CHD9: variants seen among roughly 807,000 people sequenced by gnomAD.
The protein encoded by CHD9 is ATP-dependent chromatin remodeler CHD9.
In CHD9, 77 loss-of-function variants were observed where a neutral mutation model predicts 316.1. That is an observed-to-expected ratio of 0.24 (90% CI 0.20 to 0.29). The LOEUF (loss-of-function observed/expected upper bound fraction) is 0.29. Among genes scored for constraint, CHD9 ranks in the 10% least tolerant of loss-of-function variants. CHD9 has a pLI of 1.00. For missense variants in CHD9, 2,763 were observed against 3,438.1 expected, an observed-to-expected ratio of 0.80 and a Z score of 4.91; for synonymous variants, 1,129 against 1,158.3, an observed-to-expected ratio of 0.97 and a Z score of 0.51.
In CHD9 at chr16:53,209,558, A is replaced by G. The variant is rs754393718; in HGVS notation, c.1529A>G (p.Glu510Gly). 5 of 1,613,882 alleles carry G rather than the reference A, an allele frequency of 3.1e-6. No individual in the cohort carries two copies. In the Admixed American group the frequency reaches 8.3e-5, roughly 27 times the overall value. ...LQNTQVRVMS[E>G]KKQRKKVESE... is the part of the protein sequence containing the mutation. ...AATACCCAGGTGAGGGTCATGTCTG[A>G]GAAGAAGCAGAGAAAAAAGGTGGAA... The change falls in exon 3 of 39, where the codon GAG (glutamate) becomes GGG (glycine). Residue 510 changes from glutamate (E) to glycine (G), a missense_variant. Coordinates refer to ENST00000447540, the MANE Select transcript of CHD9 (RefSeq NM_001308319.2).
chr16:53,260,149 T>C (rs764200181), intron 19 of CHD9, among the ~76,000 whole-genome samples: 4 of 152,230 alleles, frequency 2.6e-5, no homozygotes, highest in Non-Finnish European at 4.4e-5. Flanking sequence ...CTGTGTTGTT[T>C]TGTTTTATCA....
At chr16:53,276,740 A>G (rs73603610) in intron 24 of CHD9, among the ~76,000 whole-genome samples, 4,929 of 152,060 alleles carry the variant, frequency 0.032, 99 homozygotes, top group Middle Eastern at 0.071. Context: ...GCATACATGT[A>G]TGCCTTAATA....
intron 16 of CHD9, among the ~76,000 whole-genome samples, chr16:53,248,490 T>A (rs911891315): frequency 2.0e-5 from 3 of 151,398 alleles, no homozygotes; most frequent in Non-Finnish European, 2.9e-5. Context: ...ATTTTATTTT[T>A]TTTTGTTTGT....
rs8063521 is a variant in CHD9, at chr16:53,244,519, G to A, written c.3055-817G>A. ...AAGCATATTTCAATTAGACCTTTAC[G>A]TTCTTGGATTGTAACCTCAGTGATT... On this transcript the variant is annotated intron_variant, in intron 13 of 38. Coordinates refer to ENST00000447540, the MANE Select transcript of CHD9 (RefSeq NM_001308319.2). Among the ~76,000 whole-genome samples, 9 of 151,958 alleles carry A rather than the reference G, an allele frequency of 5.9e-5. No homozygotes were observed. The South Asian group carries it at 6.2e-4, about 10-fold the overall frequency.
rs560879531 is a variant in CHD9 at position 53,254,397 on chromosome 16, T to C, written c.3862-41T>C. ...ACATATAGTTTACTATTAAATGCCT[T>C]TTGAGAAACTAATTAAATATGTAAC... On this transcript the variant is annotated intron_variant, in intron 17 of 38. Coordinates refer to ENST00000447540, the MANE Select transcript of CHD9 (RefSeq NM_001308319.2). The C allele has an allele frequency of 1.3e-5, 19 of 1,461,070 alleles. No homozygotes were observed. In the South Asian group the frequency reaches 3.0e-4, roughly 23 times the overall value. The allele number at this position is 1,461,070 out of a possible 1,614,324, so 90.5% of individuals were successfully genotyped here.
At chr16:53,131,942 C>T (rs1044667239) in intron 1 of CHD9, among the ~76,000 whole-genome samples, 3 of 152,214 alleles carry the variant, frequency 2.0e-5, no homozygotes, top group Non-Finnish European at 4.4e-5. Context: ...TTCTGGGTAC[C>T]TGGGTGTGGG....
chr16:53,164,556 G>A (rs2042140916), intron 2 of CHD9, among the ~76,000 whole-genome samples: 1 of 152,038 alleles, frequency 6.6e-6, no homozygotes, highest in African/African-American at 2.4e-5. Flanking sequence ...TCCAGCCTGG[G>A]TGATAGAGCA....
Position 53,324,213 on chromosome 16 carries a change from C to T in CHD9, c.8012C>T (p.Thr2671Ile), listed in dbSNP as rs1469952708. The part of the protein sequence containing the change: ...NGLLPGVDLT[T>I]LQALQQNLQN... ...CTACTTCCAGGTGTGGATCTCACAA[C>T]TCTTCAGGCCTTACAACAAAACCTA... The change falls in exon 39 of 39, where the codon ACT (threonine) becomes ATT (isoleucine). Residue 2671 changes from threonine (T) to isoleucine (I), a missense_variant. Physicochemically the swap from Thr to Ile is moderately conservative, Grantham distance 89 (BLOSUM62 -1). Transcript: ENST00000447540. 14 of 1,606,366 alleles carry T rather than the reference C, an allele frequency of 8.7e-6. No homozygotes were observed. The highest frequency in any genetic ancestry group is 2.2e-5 in the East Asian group (1 of 44,630).
chr16:53,069,810 CAT>C (rs890671274), intron 1 of CHD9, among the ~76,000 whole-genome samples: 1 of 152,156 alleles, frequency 6.6e-6, no homozygotes, highest in Non-Finnish European at 1.5e-5. Flanking sequence ...AAGGAATCAT[CAT>C]ATCATTTTCA....
intron 27 of CHD9, among the ~76,000 whole-genome samples, chr16:53,288,814 G>A (rs2054101967): frequency 6.6e-6 from 1 of 152,074 alleles, no homozygotes; most frequent in East Asian, 1.9e-4. Context: ...TGTAACCATA[G>A]ACCCACCTTC....
intron 1 of CHD9, among the ~76,000 whole-genome samples, chr16:53,086,665 G>A (rs1423043671): frequency 6.6e-6 from 1 of 152,182 alleles, no homozygotes; most frequent in Non-Finnish European, 1.5e-5. Context: ...GCTCTACAAA[G>A]AAGAAAGCAC....
At position 53,156,057 on chromosome 16, in the gene CHD9, G is replaced by A. The variant is rs2041499770; in HGVS notation, c.-33G>A. 1 of 1,582,216 alleles carries A rather than the reference G, an allele frequency of 6.3e-7. No individual in the cohort carries two copies. Among genetic ancestry groups the A allele is most frequent in the Non-Finnish European group, 8.6e-7 (1 of 1,165,098 alleles). On this transcript the variant is annotated 5_prime_UTR_variant, in exon 2 of 39. The change creates a new upstream start codon in the 5' untranslated region. Coordinates refer to ENST00000447540, the MANE Select transcript of CHD9 (RefSeq NM_001308319.2). Reference sequence around the variant, plus strand: ...AGAAGCTGAATATACTCCATTTGGAGTGAACAGCCCGGATTGTTACAGAAT... The same window carrying A: ...AGAAGCTGAATATACTCCATTTGGAATGAACAGCCCGGATTGTTACAGAAT...
intron 1 of CHD9, among the ~76,000 whole-genome samples, chr16:53,075,572 G>A (rs2034453353): frequency 6.6e-6 from 1 of 152,082 alleles, no homozygotes; most frequent in African/African-American, 2.4e-5. Flanking sequence ...TGTTCTCTTG[G>A]TAGTGAATAA....
chr16:53,321,602 C>A lies in CHD9; in HGVS notation c.7790C>A (p.Pro2597His). ...GAAAATTCAGAATATGGAGTAGCTC[C>A]TGAATGGGGAGATGTTGTTAAGCAA... ...LKENSEYGVA[P>H]EWGDVVKQSG... The change falls in exon 38 of 39, where the codon CCT becomes CAT. Residue 2597 changes from proline (P) to histidine (H), a missense_variant. By Grantham distance (77) the Pro-to-His change is moderately conservative. Transcript: ENST00000447540. 6.5e-7 allele frequency: 1 copy of A among 1,532,908 alleles called. No individual in the cohort carries two copies. Among genetic ancestry groups the A allele is most frequent in the South Asian group, 1.3e-5 (1 of 79,200 alleles). The allele number at this position is 1,532,908 out of a possible 1,614,324, so 95.0% of individuals were successfully genotyped here. A position where few individuals can be genotyped will look rare whatever the true frequency, so the allele number is the denominator to read the frequency against.
intron 18 of CHD9, 125 bp from the exon 19 acceptor site, chr16:53,255,474 AT>A: frequency 1.4e-6 from 1 of 699,308 alleles, no homozygotes; most frequent in Non-Finnish European, 2.4e-6. Context: ...ATTCTCTCTT[AT>A]GCGCATCCCA....
At chr16:53,157,586 G>T (rs762986100) in intron 2 of CHD9, 45 bp downstream of exon 2, 1 of 1,536,290 alleles carries the variant, frequency 6.5e-7, no homozygotes, top group Admixed American at 2.0e-5. Flanking sequence ...GGGGTAGGGC[G>T]GACTGTTAGT....
At chr16:53,319,749 G>T in intron 37 of CHD9, 1 of 872,142 alleles carries the variant, frequency 1.1e-6, no homozygotes. Context: ...GTAACTTCAT[G>T]AGAGGTTTGT....
Position 53,147,472 on chromosome 16 carries a change from A to T in CHD9, c.-164-8454A>T, listed in dbSNP as rs2152726096. On this transcript the variant is annotated intron_variant, in intron 1 of 38. Transcript: ENST00000447540. ...CACTACATGTTGCCATTTTTTTATCATCTCAAGGCACTGTACCCATTACCA... is the reference window on the plus strand; with the variant it reads ...CACTACATGTTGCCATTTTTTTATCTTCTCAAGGCACTGTACCCATTACCA... Among the ~76,000 whole-genome samples, 5 of 152,246 alleles carry T rather than the reference A, an allele frequency of 3.3e-5. No individual in the cohort carries two copies. The South Asian group carries it at 1.0e-3, about 32-fold the overall frequency.
intron 1 of CHD9, among the ~76,000 whole-genome samples, chr16:53,133,544 A>G (rs1307875390): frequency 3.3e-5 from 5 of 152,172 alleles, no homozygotes; most frequent in Non-Finnish European, 7.3e-5. Context: ...AACTGTGTAG[A>G]TAATATTAAG....
Sources: gnomAD v4.1 joint callset for allele counts (sites outside exome capture counted in the v4.1 genomes callset) on GRCh38, gnomAD v4.1.1 for gene constraint, MANE v1.5 for transcripts, NCBI Gene and HGNC (gene_info 2026-07-23, HGNC 2026-07-21) for gene names.